HMGB3: variants seen among roughly 807,000 people sequenced by gnomAD.
HMGB3 encodes high mobility group protein B3.
HMGB3 carries 1 observed loss-of-function variant against 12.9 expected under a neutral mutation model. The ratio of observed to expected loss-of-function variants is 0.08; its 90% CI spans 0.03 to 0.37. HMGB3 has a LOEUF of 0.37. Ranked by LOEUF, HMGB3 falls within the 10% of genes least tolerant of loss-of-function variation. HMGB3 has a pLI of 0.99. For synonymous variants in HMGB3, 61 were observed against 53.9 expected (o/e 1.13, Z -0.57); for missense variants, 74 against 153.3 (o/e 0.48, Z 2.73).
intron 3 of HMGB3, among the ~76,000 whole-genome samples, chrX:150,986,551 A>G (rs1433205472): frequency 1.9e-5 from 2 of 103,175 alleles, no homozygotes; most frequent in Non-Finnish European, 3.9e-5. Context: ...ATGCGCGTAT[A>G]TATACGCATA....
rs782229261 is a variant in HMGB3 at position 150,988,946 on chromosome X, TTG to T, written c.*1036_*1037del. 5.2e-3 allele frequency: 580 copies of T among 110,987 alleles called. 1 individual carries two copies. The highest frequency in any genetic ancestry group is 9.3e-3 in the Non-Finnish European group (492 of 52,982). The allele number at this position is 110,987 out of a possible 1,213,427, so 9.1% of individuals were successfully genotyped here. A position where few individuals can be genotyped will look rare whatever the true frequency, so the allele number is the denominator to read the frequency against. On this transcript the variant is annotated 3_prime_UTR_variant, in exon 5 of 5. Transcript: ENST00000325307. ...ACTTGAAGCTACTGTGTGATTTTGT[TTG>T]TGTCTGAGTGGCATTCAGATGAAGT...
At chrX:150,982,601 GCT>G (rs1259199330), upstream of HMGB3, among the ~76,000 whole-genome samples, 4 of 112,932 alleles carry the variant, frequency 3.5e-5, no homozygotes, top group South Asian at 3.7e-4. Context: ...CAAATTCTCT[GCT>G]CTTGCCAAAT....
chrX:150,987,905 G>T lies in HMGB3; in HGVS notation c.594G>T (p.Glu198Asp). ...EEEEEEEEEE[E>D]DE ...AAGAAGAGGAGGAGGAGGAGGAGGA[G>T]GATGAATAAAGAAACTGTTTATCTG... Residue 198 changes from glutamate to aspartate, a missense_variant, in exon 5 of 5, where the codon GAG (glutamate) becomes GAT (aspartate). Around this residue, in one of 2 missense-constraint regions of HMGB3, gnomAD observed 29 missense variants for 29.5 expected, o/e 0.98. Coordinates refer to ENST00000325307, the MANE Select transcript of HMGB3 (RefSeq NM_005342.4). 1 of 1,179,586 alleles carries T rather than the reference G, an allele frequency of 8.5e-7. No individual in the cohort carries two copies. Among genetic ancestry groups the T allele is most frequent in the Non-Finnish European group, 1.1e-6 (1 of 880,375 alleles).
chrX:150,985,824 C>T, intron 2 of HMGB3, 75 bp downstream of exon 2: 1 of 951,034 alleles, frequency 1.1e-6, no homozygotes, highest in Non-Finnish European at 1.5e-6. Context: ...TTCAGATTTT[C>T]TCCCAGATAG....
Position 150,987,770 on chromosome X carries a change from C to G in HMGB3, c.466-7C>G. 4.2e-6 allele frequency: 5 copies of G among 1,197,713 alleles called. No homozygotes were observed. The highest frequency in any genetic ancestry group is 5.6e-6 in the Non-Finnish European group (5 of 887,116). ...TACTCATTTGAAATGTGTCCCTGTTCCTCTAGGATGTTGCTGACTATAAGT... is the reference window on the plus strand; with the variant it reads ...TACTCATTTGAAATGTGTCCCTGTTGCTCTAGGATGTTGCTGACTATAAGT... On this transcript the variant is annotated splice_region_variant and splice_polypyrimidine_tract_variant and intron_variant, in intron 4 of 4. Coordinates refer to ENST00000325307, the MANE Select transcript of HMGB3 (RefSeq NM_005342.4).
chrX:150,983,983 C>T (rs2048018893), intron 1 of HMGB3, among the ~76,000 whole-genome samples: 1 of 103,387 alleles, frequency 9.7e-6, no homozygotes, highest in Non-Finnish European at 2.0e-5. Context: ...ATGGCCGTCG[C>T]GGAGCGCCCG....
chrX:150,983,076 G>T (rs1374649238), upstream of HMGB3, among the ~76,000 whole-genome samples: 1 of 110,822 alleles, frequency 9.0e-6, no homozygotes, highest in Non-Finnish European at 1.9e-5. Flanking sequence ...TGTTCCCCGA[G>T]GGGGCTGGCG....
intron 3 of HMGB3, among the ~76,000 whole-genome samples, chrX:150,986,784 C>T (rs943791604): frequency 9.0e-6 from 1 of 110,725 alleles, no homozygotes. Flanking sequence ...GCTGGGATTA[C>T]AGACATGCAC....
intron 1 of HMGB3, among the ~76,000 whole-genome samples, chrX:150,984,120 T>C (rs1320057186): frequency 1.1e-5 from 1 of 94,231 alleles, no homozygotes; most frequent in Non-Finnish European, 2.2e-5. Flanking sequence ...GGCGGAGCGG[T>C]CGGCGGGGCG....
chrX:150,985,533 ACTT>A, intron 1 of HMGB3, 59 bp from the exon 2 acceptor site: 4 of 964,542 alleles, frequency 4.1e-6, no homozygotes, highest in Non-Finnish European at 5.7e-6. Flanking sequence ...TACGTCTTGT[ACTT>A]CTTGTCAATT....
chrX:150,987,540 CAG>C, intron 4 of HMGB3, among the ~76,000 whole-genome samples: 1 of 111,468 alleles, frequency 9.0e-6, no homozygotes, highest in South Asian at 3.8e-4. Context: ...AAAATGTTAA[CAG>C]AGGATTTGAT....
chrX:150,980,623 C>T (rs781810643), upstream of HMGB3: 4 of 747,972 alleles, frequency 5.3e-6, no homozygotes, highest in South Asian at 6.8e-5. Context: ...TGCGCGTAAG[C>T]GCAATCCTTT....
rs1380143390 is a variant in HMGB3 at position 150,985,923 on chromosome X, G to A, written c.151-128G>A. The A allele has an allele frequency of 3.6e-6, 3 of 833,081 alleles. No homozygotes were observed. The African/African-American group carries it at 6.2e-5, about 17-fold the overall frequency. 68.7% of individuals were successfully genotyped at this position (833,081 alleles called of 1,213,427 possible). The stretch of plus-strand genomic sequence containing the variant: ...TGTGCTTTTATTTTTTTAAGGCCCT[G>A]CACAGGTTTCAGGCCTTTACCTACC... On this transcript the variant is annotated intron_variant, in intron 2 of 4. Transcript: ENST00000325307.
intron 3 of HMGB3, among the ~76,000 whole-genome samples, chrX:150,986,578 A>G (rs915906731): frequency 3.6e-4 from 25 of 70,404 alleles, no homozygotes; most frequent in African/African-American, 1.0e-3. Context: ...ATATATGCAT[A>G]CACACACACA....
In HMGB3 at chrX:150,986,098, A is replaced by C; in HGVS notation, c.198A>C (p.Ala66=). The change falls in exon 3 of 5, where the codon GCA becomes GCC. Residue 66 remains alanine, a synonymous_variant. Coordinates refer to ENST00000325307, the MANE Select transcript of HMGB3 (RefSeq NM_005342.4). The part of the protein sequence containing the change: ...EKSKFDEMAK[A]DKVRYDREMK... The stretch of plus-strand genomic sequence containing the variant: ...CTAAATTTGATGAAATGGCAAAGGC[A>C]GATAAAGTGCGCTATGATCGGGAAA... 8.3e-7 allele frequency: 1 copy of C among 1,205,307 alleles called. No homozygotes were observed. Among genetic ancestry groups the C allele is most frequent in the Non-Finnish European group, 1.1e-6 (1 of 891,064 alleles).
chrX:150,986,500 C>T (rs997508537), intron 3 of HMGB3, among the ~76,000 whole-genome samples: 2 of 109,202 alleles, frequency 1.8e-5, no homozygotes, highest in Non-Finnish European at 3.8e-5. Flanking sequence ...TTCTTTATGC[C>T]TTTCCTAGTA....
intron 1 of HMGB3, 162 bp downstream of exon 1, chrX:150,983,538 C>T (rs1381235112): frequency 2.7e-6 from 2 of 740,657 alleles, no homozygotes; most frequent in Non-Finnish European, 3.2e-6. Flanking sequence ...ATTCCCTTCC[C>T]GCCCCCTCCG....
intron 1 of HMGB3, 68 bp from the exon 2 acceptor site, chrX:150,985,525 CGT>C: frequency 1.1e-6 from 1 of 871,374 alleles, no homozygotes; most frequent in Non-Finnish European, 1.6e-6. Context: ...GCCTTTGGTA[CGT>C]CTTGTACTTC....
In HMGB3 at chrX:150,989,703, C is replaced by G. The variant is rs1001262740; in HGVS notation, c.*1789C>G. The G allele has an allele frequency of 2.7e-5, 3 of 111,661 alleles. No homozygotes were observed. Among genetic ancestry groups the G allele is most frequent in the African/African-American group, 9.8e-5 (3 of 30,702 alleles). The allele number at this position is 111,661 out of a possible 1,213,427, so 9.2% of individuals were successfully genotyped here. ...GTGTTGTGGGTGAGTGTTGCTATTG[C>G]CCAGCATTAATATTTGGGTGTGTAT... is the stretch of plus-strand genomic sequence containing the variant. On this transcript the variant is annotated 3_prime_UTR_variant, in exon 5 of 5. Coordinates refer to ENST00000325307, the MANE Select transcript of HMGB3 (RefSeq NM_005342.4).
Sources: gnomAD v4.1 joint callset for allele counts (sites outside exome capture counted in the v4.1 genomes callset) on GRCh38, gnomAD v4.1.1 for gene constraint, gnomAD v4.1.1 regional missense constraint, MANE v1.5 for transcripts, NCBI Gene and HGNC (gene_info 2026-07-23, HGNC 2026-07-21) for gene names.